Variants in CMIP observed in about 807,000 individuals in gnomAD.
CMIP encodes C-Maf-inducing protein.
A neutral mutation model predicts 97.3 loss-of-function variants in CMIP; 13 were observed. The ratio of observed to expected loss-of-function variants is 0.13; its 90% CI spans 0.09 to 0.21. The LOEUF (loss-of-function observed/expected upper bound fraction) is 0.21. Among genes scored for constraint, CMIP ranks in the 10% least tolerant of loss-of-function variants. The pLI, the probability that CMIP is intolerant of heterozygous loss-of-function variation, is 1.00. For synonymous variants in CMIP, 538 were observed against 436.3 expected, an observed-to-expected ratio of 1.23 and a Z score of -2.91; for missense variants, 847 against 1,024.9, an observed-to-expected ratio of 0.83 and a Z score of 2.37.
intron 1 of CMIP, among the ~76,000 whole-genome samples, chr16:81,606,551 C>T (rs2091747135): frequency 1.3e-5 from 2 of 152,092 alleles, no homozygotes; most frequent in African/African-American, 4.8e-5. Flanking sequence ...ATTTATCTTG[C>T]CCCGCCCCTA....
At chr16:81,681,470 G>A (rs1388491302) in intron 10 of CMIP, among the ~76,000 whole-genome samples, 8 of 152,226 alleles carry the variant, frequency 5.3e-5, no homozygotes, top group Non-Finnish European at 8.8e-5. Flanking sequence ...GTCCCAGGCT[G>A]GGAGGTGGCG....
intron 3 of CMIP, among the ~76,000 whole-genome samples, chr16:81,624,917 A>C (rs1283337593): frequency 2.0e-5 from 3 of 152,220 alleles, no homozygotes; most frequent in Admixed American, 6.5e-5. Context: ...TGAGCTGTTC[A>C]CACACGGTTG....
chr16:81,682,351 G>A (rs1168059338), intron 10 of CMIP, among the ~76,000 whole-genome samples: 3 of 152,140 alleles, frequency 2.0e-5, no homozygotes, highest in Admixed American at 2.0e-4. Flanking sequence ...GATCACCTGA[G>A]GTCGGGAGTT....
At chr16:81,651,857 C>G (rs539164598) in intron 3 of CMIP, among the ~76,000 whole-genome samples, 1 of 152,282 alleles carries the variant, frequency 6.6e-6, no homozygotes, top group African/African-American at 2.4e-5. Flanking sequence ...GGCAGATTTT[C>G]TAACCTCTTG....
chr16:81,507,933 C>A (rs1268270078), intron 1 of CMIP, among the ~76,000 whole-genome samples: 1 of 152,148 alleles, frequency 6.6e-6, no homozygotes, highest in Non-Finnish European at 1.5e-5. Context: ...CTGGACTGAT[C>A]CGGTGATTTT....
chr16:81,510,051 C>T (rs1316216079), intron 1 of CMIP, among the ~76,000 whole-genome samples: 3 of 152,162 alleles, frequency 2.0e-5, no homozygotes, highest in African/African-American at 7.2e-5. Flanking sequence ...GATGAGGATG[C>T]TTTTCCTGTA....
chr16:81,510,818 C>T (rs533037309), intron 1 of CMIP, among the ~76,000 whole-genome samples: 2 of 152,302 alleles, frequency 1.3e-5, no homozygotes, highest in South Asian at 4.1e-4. Flanking sequence ...CTCCCAGGTT[C>T]AAGCAATTCT....
At chr16:81,674,190 G>A (rs1331984561) in intron 9 of CMIP, among the ~76,000 whole-genome samples, 1 of 152,224 alleles carries the variant, frequency 6.6e-6, no homozygotes, top group Non-Finnish European at 1.5e-5. Context: ...CCAGGGGCCA[G>A]AATGTGGAGA....
intron 2 of CMIP, among the ~76,000 whole-genome samples, chr16:81,610,806 C>T (rs752818110): frequency 5.3e-5 from 8 of 152,164 alleles, no homozygotes; most frequent in African/African-American, 1.2e-4. Flanking sequence ...GTTGTATTCA[C>T]GTGCCTTTTG....
At chr16:81,668,987 TCA>T (rs1567648231) in intron 7 of CMIP, among the ~76,000 whole-genome samples, 1 of 95,260 alleles carries the variant, frequency 1.0e-5, no homozygotes, top group African/African-American at 4.2e-5. Context: ...CACACCCACC[TCA>T]CACTCTCCTC....
intron 1 of CMIP, among the ~76,000 whole-genome samples, chr16:81,594,782 T>A (rs966296552): frequency 4.0e-3 from 443 of 110,266 alleles, no homozygotes; most frequent in Non-Finnish European, 6.4e-3. Context: ...CCCAGCTAAT[T>A]TTTTTTTTTT....
chr16:81,684,690 G>C (rs918253555), intron 10 of CMIP, among the ~76,000 whole-genome samples: 1 of 152,250 alleles, frequency 6.6e-6, no homozygotes, highest in Non-Finnish European at 1.5e-5. Flanking sequence ...GGGGTTCTAA[G>C]GCCCTCTTCA....
chr16:81,501,049 C>G (rs1426803001), intron 1 of CMIP, among the ~76,000 whole-genome samples: 1 of 152,212 alleles, frequency 6.6e-6, no homozygotes. Flanking sequence ...CAAAGGCAAA[C>G]CACTTCCTGC....
chr16:81,552,129 T>C (rs1228939448), intron 1 of CMIP, among the ~76,000 whole-genome samples: 1 of 152,080 alleles, frequency 6.6e-6, no homozygotes, highest in Non-Finnish European at 1.5e-5. Context: ...CCAGGCCCAG[T>C]TGTGTAGCGG....
At chr16:81,466,897 C>G (rs1246757291) in intron 1 of CMIP, among the ~76,000 whole-genome samples, 2 of 152,226 alleles carry the variant, frequency 1.3e-5, no homozygotes, top group Non-Finnish European at 2.9e-5. Context: ...GTTTCTGCAA[C>G]CAGTTCCAGG....
intron 1 of CMIP, among the ~76,000 whole-genome samples, chr16:81,507,837 C>T (rs143414790): frequency 3.9e-5 from 6 of 152,232 alleles, no homozygotes; most frequent in Admixed American, 3.9e-4. Context: ...GGACTGGGTT[C>T]TGGGGAAGGG....
chr16:81,528,354 G>T (rs896062743), intron 1 of CMIP, among the ~76,000 whole-genome samples: 4 of 152,054 alleles, frequency 2.6e-5, no homozygotes, highest in African/African-American at 7.3e-5. Context: ...TCCACCATTG[G>T]TCTCATGCTG....
At chr16:81,497,695 G>C (rs2089517241) in intron 1 of CMIP, among the ~76,000 whole-genome samples, 1 of 152,252 alleles carries the variant, frequency 6.6e-6, no homozygotes. Flanking sequence ...CGCATAGAGT[G>C]CAGAATCCCG....
chr16:81,609,489 G>A (rs2091796177), intron 2 of CMIP, among the ~76,000 whole-genome samples: 1 of 152,248 alleles, frequency 6.6e-6, no homozygotes, highest in African/African-American at 2.4e-5. Flanking sequence ...CTTTGAGGCA[G>A]CCTCTCCCCT....
Sources: allele counts gnomAD v4.1 joint callset (sites outside exome capture counted in the v4.1 genomes callset), GRCh38; gene constraint gnomAD v4.1.1; transcripts MANE v1.5; gene names NCBI Gene and HGNC (gene_info 2026-07-23, HGNC 2026-07-21).